The following ZAN variants were observed in gnomAD, a reference collection of about 807,000 sequenced individuals.
ZAN encodes zonadhesin, also known as zonadhesin (gene/pseudogene).
ZAN carries 260 observed loss-of-function variants against 286.2 expected under a neutral mutation model. That is an observed-to-expected ratio of 0.91 (90% CI 0.82 to 1.01). The LOEUF (loss-of-function observed/expected upper bound fraction) is 1.01. Ranked by LOEUF, ZAN falls within the 50% of genes least tolerant of loss-of-function variation. ZAN has a pLI of 0.00. For missense variants in ZAN, 3,410 were observed against 3,639.2 expected (o/e 0.94, Z 1.62); for synonymous variants, 1,368 against 1,417.5 (o/e 0.97, Z 0.79).
Position 100,759,794 on chromosome 7 carries a change from C to T in ZAN, c.3645C>T (p.Tyr1215=), listed in dbSNP as rs762407246. The change falls in exon 18 of 48, where the codon TAC becomes TAT. Residue 1215 remains tyrosine (Y), a synonymous_variant. Coordinates refer to ENST00000613979, the MANE Select transcript of ZAN (RefSeq NM_003386.3). ...GCGTGTCCTGCCTGAGCAAAGTCTACGTGACCCTGCCCGAGAGCACCGTCA... is the reference window on the plus strand; with the variant it reads ...GCGTGTCCTGCCTGAGCAAAGTCTATGTGACCCTGCCCGAGAGCACCGTCA... ...QEGVSCLSKV[Y]VTLPESTVTL... The T allele has an allele frequency of 5.0e-6, 8 of 1,608,492 alleles. No individual in the cohort carries two copies. Among genetic ancestry groups the T allele is most frequent in the African/African-American group, 4.0e-5 (3 of 74,780 alleles).
In ZAN at chr7:100,784,652, A is replaced by G. The variant is rs1811439968; in HGVS notation, c.6652A>G (p.Thr2218Ala). Reference protein sequence around the residue: ...PLECPAYSSYTNCLPSCSPSC... With the variant: ...PLECPAYSSYANCLPSCSPSC... ...GGAATGCCCTGCCTACAGCAGCTAC[A>G]CCAACTGCCTTCCCTCCTGCTCACC... Residue 2218 changes from threonine (T) to alanine (A), a missense_variant, in exon 36 of 48, where the codon ACC becomes GCC. This residue lies in a region of ZAN where 1,289 missense variants were observed against 1,314.3 expected (regional missense o/e 0.98). Transcript: ENST00000613979. The G allele has an allele frequency of 6.2e-7, 1 of 1,613,832 alleles. No individual in the cohort carries two copies. The highest frequency in any genetic ancestry group is 8.5e-7 in the Non-Finnish European group (1 of 1,179,842).
intron 10 of ZAN, 30 bp from the exon 11 acceptor site, chr7:100,748,294 T>C: frequency 6.2e-7 from 1 of 1,613,860 alleles, no homozygotes; most frequent in Non-Finnish European, 8.5e-7. Flanking sequence ...GTCACTCAAC[T>C]TGCTCAAATA....
chr7:100,742,738 C>T lies in ZAN; in HGVS notation c.767-3800C>T, dbSNP rs1411963204. ...AGGCGTGGCGGCGCGTGCCTGCAAT[C>T]GCAGGCACTCGGCAGGCTGAGGCAG... On this transcript the variant is annotated intron_variant, in intron 7 of 47. Coordinates refer to ENST00000613979, the MANE Select transcript of ZAN (RefSeq NM_003386.3). Among the ~76,000 whole-genome samples the T allele has an allele frequency of 4.9e-5, 3 of 61,214 alleles. 1 individual carries two copies. The highest frequency in any genetic ancestry group is 1.0e-4 in the Non-Finnish European group (3 of 28,862). 40.2% of individuals were successfully genotyped at this position (61,214 alleles called of 152,430 possible).
chr7:100,776,349 A>G (rs1810784567), intron 33 of ZAN, 91 bp from the exon 34 acceptor site: 2 of 1,438,052 alleles, frequency 1.4e-6, no homozygotes, highest in Non-Finnish European at 1.8e-6. Context: ...AGGGAGGAAA[A>G]CTGCTCTCGT....
intron 37 of ZAN, among the ~76,000 whole-genome samples, 160 bp from the exon 38 acceptor site, chr7:100,787,729 T>G (rs34335606): frequency 0.014 from 2,071 of 152,224 alleles, 80 homozygotes; most frequent in South Asian, 0.12. Flanking sequence ...ACCTGGCTAA[T>G]TTTTGTATTT....
At chr7:100,772,111 TGAGACGGA>T in intron 29 of ZAN, 91 bp downstream of exon 29, 1 of 1,316,648 alleles carries the variant, frequency 7.6e-7, no homozygotes, top group Non-Finnish European at 1.0e-6. Context: ...TTTTTTTTTT[TGAGACGGA>T]GTCTCACTCT....
At chr7:100,789,097 C>A in intron 38 of ZAN, 121 bp from the exon 39 acceptor site, 1 of 1,383,024 alleles carries the variant, frequency 7.2e-7, no homozygotes, top group Non-Finnish European at 9.6e-7. Context: ...ATTGGGGTAT[C>A]TTATTCCACT....
chr7:100,768,086 A>G (rs1295971275), intron 26 of ZAN, 75 bp downstream of exon 26: 4 of 1,504,108 alleles, frequency 2.7e-6, no homozygotes, highest in Non-Finnish European at 3.6e-6. Context: ...CTCCCCCAAC[A>G]TCTCTGTGAG....
chr7:100,769,948 A>G lies in ZAN; in HGVS notation c.5222A>G (p.Asn1741Ser). Residue 1741 changes from asparagine (N) to serine (S), a missense_variant, in exon 28 of 48, where the codon AAC becomes AGC. Transcript: ENST00000613979. Reference sequence around the variant, plus strand: ...AGCATGGCAGACGCCTGGAACAAGAACTGTGCGATCTTAATAAACCCTCAG... The same window carrying G: ...AGCATGGCAGACGCCTGGAACAAGAGCTGTGCGATCTTAATAAACCCTCAG... ...ENSMADAWNK[N>S]CAILINPQGP... 1.3e-6 allele frequency: 2 copies of G among 1,567,086 alleles called. No homozygotes were observed. The highest frequency in any genetic ancestry group is 1.7e-6 in the Non-Finnish European group (2 of 1,155,390).
In ZAN at chr7:100,751,933, G is replaced by A. The variant is rs745501296; in HGVS notation, c.1828G>A (p.Glu610Lys). Reference protein sequence around the residue: ...ISTEKPTIPSEKPNMPSEKPT... With the variant: ...ISTEKPTIPSKKPNMPSEKPT... ...CACAGAAAAACCCACCATTCCTTCA[G>A]AAAAACCCAACATGCCCTCAGAAAA... The change falls in exon 14 of 48, where the codon GAA becomes AAA. Residue 610 changes from glutamate (E) to lysine (K), a missense_variant. Around this residue, in one of 7 missense-constraint regions of ZAN, gnomAD observed 872 missense variants for 938.9 expected, o/e 0.93. Coordinates refer to ENST00000613979, the MANE Select transcript of ZAN (RefSeq NM_003386.3). The A allele has an allele frequency of 8.8e-5, 142 of 1,612,788 alleles. 7 individuals carry two copies. In the South Asian group the frequency reaches 1.4e-3, roughly 16 times the overall value.
At chr7:100,771,783 C>T in intron 28 of ZAN, 61 bp from the exon 29 acceptor site, 2 of 1,529,756 alleles carry the variant, frequency 1.3e-6, no homozygotes, top group Non-Finnish European at 1.8e-6. Context: ...CCAGGGAAGC[C>T]ACATGGCCCT....
intron 19 of ZAN, among the ~76,000 whole-genome samples, chr7:100,761,731 GT>G (rs1199596377): frequency 6.6e-6 from 1 of 151,904 alleles, no homozygotes; most frequent in Non-Finnish European, 1.5e-5. Flanking sequence ...CAGATTAGGA[GT>G]TTGAGACCAG....
At position 100,792,492 on chromosome 7, in the gene ZAN, C is replaced by G; in HGVS notation, c.7787+13C>G. The G allele has an allele frequency of 6.2e-7, 1 of 1,613,820 alleles. No individual in the cohort carries two copies. The highest frequency in any genetic ancestry group is 8.5e-7 in the Non-Finnish European group (1 of 1,179,844). ...AGGTCCTCAGTGGGTACGCCATCCT[C>G]TGCCAGGAGGCGGGCGCTGCCCTGG... On this transcript the variant is annotated intron_variant, in intron 42 of 47. Coordinates refer to ENST00000613979, the MANE Select transcript of ZAN (RefSeq NM_003386.3).
At chr7:100,766,471 A>G in intron 23 of ZAN, 54 bp from the exon 24 acceptor site, 3 of 1,507,606 alleles carry the variant, frequency 2.0e-6, no homozygotes, top group Non-Finnish European at 2.7e-6. Flanking sequence ...CTGGGAAAAA[A>G]CAAAACAAAG....
intron 11 of ZAN, among the ~76,000 whole-genome samples, chr7:100,749,547 G>A (rs1255726994): frequency 3.3e-5 from 5 of 151,240 alleles, no homozygotes; most frequent in Non-Finnish European, 7.4e-5. Flanking sequence ...GGCTGAGGCA[G>A]GAGAATGGCG....
In ZAN at chr7:100,795,233, G is replaced by A; in HGVS notation, c.8163G>A (p.Gly2721=). 2 of 1,611,294 alleles carry A rather than the reference G, an allele frequency of 1.2e-6. No homozygotes were observed. The highest frequency in any genetic ancestry group is 2.2e-5 in the East Asian group (1 of 44,594). The change falls in exon 45 of 48, where the codon GGG becomes GGA. Residue 2721 remains glycine, a synonymous_variant. Transcript: ENST00000613979. The part of the protein sequence containing the change: ...PCLQNPCQND[G]QCREQGATFT... ...TGCAGAACCCCTGTCAGAATGACGG[G>A]CAGTGTCGGGAGCAGGGAGCCACCT...
intron 4 of ZAN, 57 bp from the exon 5 acceptor site, chr7:100,736,752 T>A: frequency 1.4e-6 from 2 of 1,454,418 alleles, no homozygotes; most frequent in Non-Finnish European, 9.3e-7. Context: ...AGGGGATGGG[T>A]GGGGGCAGCC....
intron 31 of ZAN, 39 bp from the exon 32 acceptor site, chr7:100,775,289 G>A (rs1425915860): frequency 1.9e-6 from 3 of 1,602,422 alleles, no homozygotes; most frequent in Admixed American, 3.4e-5. Context: ...GTACCTGCCA[G>A]AGGAGCGTCA....
intron 23 of ZAN, 143 bp from the exon 24 acceptor site, chr7:100,766,382 C>T (rs1209874916): frequency 5.6e-6 from 6 of 1,075,216 alleles, no homozygotes; most frequent in Admixed American, 3.0e-5. Flanking sequence ...CAGCGAATCT[C>T]GGAGCTTCAG....
Sources: allele counts gnomAD v4.1 joint callset (sites outside exome capture counted in the v4.1 genomes callset), GRCh38; gene constraint gnomAD v4.1.1; regional missense constraint gnomAD v4.1.1; transcripts MANE v1.5; gene names NCBI Gene and HGNC (gene_info 2026-07-23, HGNC 2026-07-21).